The following TMEM135 variants were observed in gnomAD, a reference collection of about 807,000 sequenced individuals.
TMEM135 encodes transmembrane protein 135, also known as peroxisomal membrane protein 52.
A neutral mutation model predicts 60.3 loss-of-function variants in TMEM135; 30 were observed. The ratio of observed to expected loss-of-function variants is 0.50; its 90% CI spans 0.37 to 0.68. The LOEUF (loss-of-function observed/expected upper bound fraction) is 0.68. TMEM135 is among the 30% of genes least tolerant of loss of function. The pLI is 0.00. For synonymous variants in TMEM135, 190 were observed against 186.7 expected, an observed-to-expected ratio of 1.02 and a Z score of -0.14; for missense variants, 468 against 548.8, an observed-to-expected ratio of 0.85 and a Z score of 1.47.
chr11:87,317,220 C>T (rs1344719230), intron 12 of TMEM135, among the ~76,000 whole-genome samples: 1 of 151,950 alleles, frequency 6.6e-6, no homozygotes, highest in South Asian at 2.1e-4. Flanking sequence ...TAATTAGAAA[C>T]GCAGTTATTC....
chr11:87,129,847 T>G (rs1443010095), intron 4 of TMEM135, among the ~76,000 whole-genome samples: 1 of 152,150 alleles, frequency 6.6e-6, no homozygotes, highest in African/African-American at 2.4e-5. Flanking sequence ...GGCTGTTATT[T>G]CTTAATGTTT....
At chr11:87,254,724 G>C (rs1379316446) in intron 6 of TMEM135, among the ~76,000 whole-genome samples, 1 of 152,092 alleles carries the variant, frequency 6.6e-6, no homozygotes, top group South Asian at 2.1e-4. Context: ...AAAAGGACTG[G>C]GAATTATCCA....
intron 3 of TMEM135, among the ~76,000 whole-genome samples, chr11:87,087,191 G>A (rs909272787): frequency 3.3e-5 from 5 of 151,872 alleles, no homozygotes; most frequent in African/African-American, 7.3e-5. Flanking sequence ...CAAAAACTCC[G>A]AGGCTGCTGA....
intron 4 of TMEM135, among the ~76,000 whole-genome samples, chr11:87,153,808 A>G (rs1002887422): frequency 6.6e-6 from 1 of 152,140 alleles, no homozygotes; most frequent in Non-Finnish European, 1.5e-5. Flanking sequence ...ACCAATCAAT[A>G]TCCTTTTCTT....
At chr11:87,057,192 T>G (rs1183454734) in intron 1 of TMEM135, among the ~76,000 whole-genome samples, 2 of 152,214 alleles carry the variant, frequency 1.3e-5, no homozygotes, top group African/African-American at 4.8e-5. Flanking sequence ...ATATTTTTAT[T>G]TTTATCTTGA....
chr11:87,192,155 T>G (rs2135318296), intron 5 of TMEM135, among the ~76,000 whole-genome samples: 1 of 150,070 alleles, frequency 6.7e-6, no homozygotes, highest in Admixed American at 6.6e-5. Context: ...CTAATTTTTT[T>G]TTTTTTTTGT....
intron 5 of TMEM135, among the ~76,000 whole-genome samples, chr11:87,187,044 A>G (rs917828459): frequency 2.6e-5 from 4 of 152,214 alleles, no homozygotes; most frequent in Admixed American, 2.6e-4. Context: ...CCAAATGCTT[A>G]TGATTAGCTA....
At chr11:87,259,126 G>A in intron 6 of TMEM135, 2 of 740,692 alleles carry the variant, frequency 2.7e-6, no homozygotes, top group Non-Finnish European at 4.8e-6. Context: ...ATCTCCATCA[G>A]GCCCCATAGT....
At chr11:87,067,406 T>A (rs916894493) in intron 1 of TMEM135, among the ~76,000 whole-genome samples, 2 of 151,926 alleles carry the variant, frequency 1.3e-5, no homozygotes, top group African/African-American at 4.8e-5. Context: ...TATATTCCAT[T>A]TTTCAGTTTA....
intron 6 of TMEM135, among the ~76,000 whole-genome samples, chr11:87,249,062 G>C (rs564307022): frequency 6.6e-6 from 1 of 152,190 alleles, no homozygotes; most frequent in South Asian, 2.1e-4. Flanking sequence ...TAACTTCTTT[G>C]TTTCCAATTT....
chr11:87,301,826 T>C (rs560862630), intron 7 of TMEM135, among the ~76,000 whole-genome samples: 2 of 152,330 alleles, frequency 1.3e-5, no homozygotes, highest in South Asian at 4.1e-4. Context: ...TTTCTAGATA[T>C]TTTATTTTTC....
In TMEM135 at chr11:87,328,245, T is replaced by C. The variant is rs777887970; in HGVS notation, c.*6912T>C. ...CTCTTGATTTAGAATTCTCTTTTTC[T>C]CCACTCTTCTGTGTATGCTAAAATA... On this transcript the variant is annotated 3_prime_UTR_variant, in exon 15 of 15. Coordinates refer to ENST00000305494, the MANE Select transcript of TMEM135 (RefSeq NM_022918.4). The C allele has an allele frequency of 8.8e-6, 4 of 453,994 alleles. No homozygotes were observed. The highest frequency in any genetic ancestry group is 6.2e-5 in the South Asian group (4 of 64,474). 28.1% of individuals were successfully genotyped at this position (453,994 alleles called of 1,614,324 possible). A position where few individuals can be genotyped will look rare whatever the true frequency, so the allele number is the denominator to read the frequency against.
At chr11:87,267,902 G>A (rs781077458) in intron 6 of TMEM135, among the ~76,000 whole-genome samples, 8 of 152,054 alleles carry the variant, frequency 5.3e-5, no homozygotes, top group African/African-American at 1.4e-4. Flanking sequence ...ATGTTGACCA[G>A]AATGGTCTCG....
chr11:87,169,692 C>T (rs953252299), intron 5 of TMEM135, among the ~76,000 whole-genome samples: 2 of 152,108 alleles, frequency 1.3e-5, no homozygotes, highest in East Asian at 1.9e-4. Flanking sequence ...ATGGACTTCC[C>T]GTTGTGGGTA....
At chr11:87,252,791 AAT>A (rs375507776) in intron 6 of TMEM135, among the ~76,000 whole-genome samples, 3 of 106,116 alleles carry the variant, frequency 2.8e-5, no homozygotes, top group Admixed American at 1.8e-4. Flanking sequence ...AAAAAATTAA[AAT>A]ATATATGTGT....
chr11:87,152,765 C>G (rs906565617), intron 4 of TMEM135, among the ~76,000 whole-genome samples: 2 of 152,144 alleles, frequency 1.3e-5, no homozygotes, highest in African/African-American at 4.8e-5. Context: ...GTCTTCCCTG[C>G]TGTATCCTTT....
At chr11:87,078,790 T>C (rs897718673) in intron 3 of TMEM135, among the ~76,000 whole-genome samples, 10 of 101,536 alleles carry the variant, frequency 9.8e-5, no homozygotes, top group African/African-American at 4.2e-4. Context: ...ATTTTTGTAT[T>C]TCTTTTTTTT....
At chr11:87,181,431 G>A (rs888833559) in intron 5 of TMEM135, among the ~76,000 whole-genome samples, 2 of 152,098 alleles carry the variant, frequency 1.3e-5, no homozygotes, top group East Asian at 1.9e-4. Context: ...AGCTGAAAAC[G>A]TTCATCTTTG....
chr11:87,123,533 A>G (rs111508235), intron 4 of TMEM135, among the ~76,000 whole-genome samples: 7 of 152,296 alleles, frequency 4.6e-5, no homozygotes, highest in African/African-American at 1.7e-4. Flanking sequence ...CAAAGACCCT[A>G]TTTCCAAATA....
Sources: allele counts gnomAD v4.1 joint callset (sites outside exome capture counted in the v4.1 genomes callset), GRCh38; gene constraint gnomAD v4.1.1; transcripts MANE v1.5; gene names NCBI Gene and HGNC (gene_info 2026-07-23, HGNC 2026-07-21).